The following LRRC7 variants were observed in gnomAD, a reference collection of about 807,000 sequenced individuals.
LRRC7 encodes the protein leucine rich repeat containing 7.
Under a neutral mutation model 175.7 loss-of-function variants are expected in LRRC7, and 23 were observed. The ratio of observed to expected loss-of-function variants is 0.13; its 90% confidence interval spans 0.09 to 0.19. LRRC7 has a LOEUF of 0.19. LRRC7 is among the 10% of genes least tolerant of loss of function. The pLI is 1.00. For synonymous variants in LRRC7, 685 were observed against 680.9 expected (o/e 1.01, Z -0.09); for missense variants, 1,354 against 1,904.7 (o/e 0.71, Z 5.38).
chr1:69,880,770 AAAG>A (rs1255028656), intron 7 of LRRC7, among the ~76,000 whole-genome samples: 2 of 152,076 alleles, frequency 1.3e-5, no homozygotes, highest in Admixed American at 6.6e-5. Flanking sequence ...ATAAGGAAAA[AAAG>A]AAGAAGTTTT....
rs1558098864 is a variant in LRRC7 at position 70,138,786 on chromosome 1, G to A, written c.*16899G>A. ...CGTTTGTCCAAGGTATGATCTACCA[G>A]TGAGAAGATCAGTGCCAGGTCACAG... On this transcript the variant is annotated 3_prime_UTR_variant, in exon 27 of 27. Coordinates refer to ENST00000651989, the MANE Select transcript of LRRC7 (RefSeq NM_001370785.2). 1 of 152,176 alleles carries A rather than the reference G, an allele frequency of 6.6e-6. No homozygotes were observed. The highest frequency in any genetic ancestry group is 2.4e-5 in the African/African-American group (1 of 41,444). 9.4% of individuals were successfully genotyped at this position (152,176 alleles called of 1,614,324 possible). A position where few individuals can be genotyped will look rare whatever the true frequency, so the allele number is the denominator to read the frequency against.
At chr1:69,762,477 G>A (rs537684060) in intron 3 of LRRC7, among the ~76,000 whole-genome samples, 29 of 152,070 alleles carry the variant, frequency 1.9e-4, no homozygotes, top group African/African-American at 7.0e-4. Context: ...AGAAGTAAGG[G>A]AAGAACTTGA....
chr1:70,096,120 G>A (rs1408397889), intron 25 of LRRC7, among the ~76,000 whole-genome samples: 3 of 152,088 alleles, frequency 2.0e-5, no homozygotes, highest in Admixed American at 2.0e-4. Flanking sequence ...TGGGACTACA[G>A]GCACCCGCCA....
chr1:70,104,926 C>A (rs1381928008), intron 25 of LRRC7, among the ~76,000 whole-genome samples: 1 of 152,150 alleles, frequency 6.6e-6, no homozygotes, highest in African/African-American at 2.4e-5. Flanking sequence ...TCAAAATTAA[C>A]TGAGTAGCAG....
intron 1 of LRRC7, among the ~76,000 whole-genome samples, chr1:69,604,623 G>A (rs1481995610): frequency 6.6e-6 from 1 of 152,138 alleles, no homozygotes; most frequent in Non-Finnish European, 1.5e-5. Context: ...ATGAAGGAAT[G>A]TGGTGTTTTT....
At chr1:70,030,597 T>C (rs1658611964) in intron 18 of LRRC7, among the ~76,000 whole-genome samples, 4 of 152,174 alleles carry the variant, frequency 2.6e-5, no homozygotes, top group Admixed American at 2.0e-4. Context: ...TAATATGTTT[T>C]GCACTTCTAT....
intron 1 of LRRC7, among the ~76,000 whole-genome samples, chr1:69,617,062 C>A (rs1649750660): frequency 6.6e-6 from 1 of 152,054 alleles, no homozygotes; most frequent in Non-Finnish European, 1.5e-5. Flanking sequence ...AATCCTACAT[C>A]TATATATCCC....
At chr1:70,015,418 T>G (rs1656880449) in intron 13 of LRRC7, among the ~76,000 whole-genome samples, 1 of 152,124 alleles carries the variant, frequency 6.6e-6, no homozygotes, top group Admixed American at 6.6e-5. Context: ...ATTATCAAAA[T>G]AAATTTATTT....
chr1:70,073,645 TTGTC>T (rs143371951), intron 23 of LRRC7, among the ~76,000 whole-genome samples: 3,843 of 152,308 alleles, frequency 0.025, 181 homozygotes, highest in African/African-American at 0.089. Flanking sequence ...CCTTCTAAGT[TTGTC>T]TGGGTGGAAA....
chr1:70,107,901 T>A, intron 26 of LRRC7, 75 bp downstream of exon 26: 2 of 1,266,422 alleles, frequency 1.6e-6, no homozygotes, highest in Non-Finnish European at 1.2e-6. Flanking sequence ...AGTTAAATGA[T>A]TTGAATTAAA....
chr1:69,620,464 A>G (rs1216449327), intron 1 of LRRC7, among the ~76,000 whole-genome samples: 1 of 152,178 alleles, frequency 6.6e-6, no homozygotes, highest in South Asian at 2.1e-4. Context: ...GAAGAAGACT[A>G]AGTATTACAA....
intron 1 of LRRC7, among the ~76,000 whole-genome samples, chr1:69,633,905 A>G (rs116199378): frequency 0.018 from 2,694 of 152,056 alleles, 72 homozygotes; most frequent in African/African-American, 0.062. Context: ...GTTTGCTGAT[A>G]TATTTTTGTC....
intron 7 of LRRC7, among the ~76,000 whole-genome samples, chr1:69,851,800 C>T (rs1683020965): frequency 6.6e-6 from 1 of 152,008 alleles, no homozygotes; most frequent in African/African-American, 2.4e-5. Flanking sequence ...TGAAGAAAAT[C>T]CAGTCAGAAA....
intron 1 of LRRC7, among the ~76,000 whole-genome samples, chr1:69,658,969 T>C (rs1657042757): frequency 6.6e-6 from 1 of 151,878 alleles, no homozygotes; most frequent in South Asian, 2.1e-4. Context: ...TAAAGGAGCA[T>C]AGAAAAGGAG....
At chr1:69,729,973 G>A (rs966570650) in intron 2 of LRRC7, among the ~76,000 whole-genome samples, 4 of 152,178 alleles carry the variant, frequency 2.6e-5, no homozygotes, top group African/African-American at 9.7e-5. Context: ...CTAGGCACCT[G>A]CAGGCTCAAC....
At chr1:69,998,209 C>A (rs994477288) in intron 11 of LRRC7, among the ~76,000 whole-genome samples, 1 of 152,126 alleles carries the variant, frequency 6.6e-6, no homozygotes, top group African/African-American at 2.4e-5. Context: ...TTTGACGTAG[C>A]TAAGAAGCCT....
chr1:69,923,112 C>G (rs1328534370), intron 7 of LRRC7, among the ~76,000 whole-genome samples: 1 of 152,134 alleles, frequency 6.6e-6, no homozygotes, highest in Non-Finnish European at 1.5e-5. Context: ...ATGATGATTT[C>G]CAATTTCATC....
chr1:69,711,777 C>A (rs1011495878), intron 2 of LRRC7, among the ~76,000 whole-genome samples: 6 of 152,246 alleles, frequency 3.9e-5, no homozygotes, highest in Admixed American at 2.6e-4. Flanking sequence ...AAGGTCTTTG[C>A]CCCTGGGAAA....
chr1:70,060,375 A>G (rs532674322), intron 23 of LRRC7, among the ~76,000 whole-genome samples: 1 of 152,106 alleles, frequency 6.6e-6, no homozygotes, highest in Non-Finnish European at 1.5e-5. Flanking sequence ...AAGTAAATTT[A>G]TTGAAATTGT....
Sources: gnomAD v4.1 joint callset for allele counts (sites outside exome capture counted in the v4.1 genomes callset) on GRCh38, gnomAD v4.1.1 for gene constraint, MANE v1.5 for transcripts, NCBI Gene and HGNC (gene_info 2026-07-23, HGNC 2026-07-21) for gene names.